Variants in HHAT observed in about 807,000 individuals in gnomAD.
HHAT encodes protein-cysteine N-palmitoyltransferase HHAT.
Under a neutral mutation model 70.8 loss-of-function variants are expected in HHAT, and 47 were observed. The ratio of observed to expected loss-of-function variants is 0.66; its 90% CI spans 0.53 to 0.85. The LOEUF is 0.85. HHAT is among the 40% of genes least tolerant of loss of function. HHAT has a pLI of 0.00. For synonymous variants in HHAT, 228 were observed against 247.6 expected (o/e 0.92, Z 0.74); for missense variants, 609 against 604.8 (o/e 1.01, Z -0.07).
chr1:210,489,249 G>T (rs1289615804), intron 8 of HHAT, among the ~76,000 whole-genome samples: 2 of 152,188 alleles, frequency 1.3e-5, no homozygotes, highest in African/African-American at 2.4e-5. Flanking sequence ...GTTCTCTGCT[G>T]TCCCTAAACA....
At chr1:210,612,695 G>C (rs1666841445) in intron 10 of HHAT, among the ~76,000 whole-genome samples, 1 of 152,072 alleles carries the variant, frequency 6.6e-6, no homozygotes, top group Admixed American at 6.6e-5. Flanking sequence ...TGGCAATTTT[G>C]TGTTTAATTT....
chr1:210,475,642 A>G (rs2094293929), intron 8 of HHAT, among the ~76,000 whole-genome samples: 1 of 152,180 alleles, frequency 6.6e-6, no homozygotes, highest in Non-Finnish European at 1.5e-5. Context: ...ACTGTGTCAC[A>G]AGGGATTGGT....
intron 7 of HHAT, chr1:210,462,880 T>C (rs140182486): frequency 1.6e-4 from 24 of 152,286 alleles, no homozygotes; most frequent in African/African-American, 5.1e-4. Context: ...CAGTGGTATT[T>C]TCTGCTAGTA....
chr1:210,495,271 G>T (rs1010685420), intron 8 of HHAT, among the ~76,000 whole-genome samples: 43 of 150,646 alleles, frequency 2.9e-4, no homozygotes, highest in Non-Finnish European at 5.5e-4. Flanking sequence ...TTTCCATAAA[G>T]ATTTTATATA....
chr1:210,417,517 G>T (rs1354980824), intron 6 of HHAT, among the ~76,000 whole-genome samples: 1 of 152,180 alleles, frequency 6.6e-6, no homozygotes, highest in Admixed American at 6.5e-5. Context: ...TTCTAGGTGT[G>T]AGCCACCATG....
chr1:210,606,127 T>G (rs1055173270), intron 10 of HHAT, among the ~76,000 whole-genome samples: 2 of 152,196 alleles, frequency 1.3e-5, no homozygotes, highest in African/African-American at 4.8e-5. Flanking sequence ...CCCAAAGTGC[T>G]GGTATTACAG....
chr1:210,401,405 G>A (rs1385385403), intron 5 of HHAT, among the ~76,000 whole-genome samples: 1 of 152,174 alleles, frequency 6.6e-6, no homozygotes, highest in Non-Finnish European at 1.5e-5. Flanking sequence ...ATAAGCCATT[G>A]TGCCCGGCCA....
At chr1:210,429,441 A>G (rs968893887) in intron 7 of HHAT, among the ~76,000 whole-genome samples, 12 of 151,878 alleles carry the variant, frequency 7.9e-5, no homozygotes, top group Non-Finnish European at 1.0e-4. Flanking sequence ...TGACTTTTTG[A>G]GGAGTCCAGA....
At chr1:210,579,424 A>G (rs1658689154) in intron 9 of HHAT, among the ~76,000 whole-genome samples, 1 of 152,302 alleles carries the variant, frequency 6.6e-6, no homozygotes, top group East Asian at 1.9e-4. Context: ...CTAGAGATCC[A>G]CTGGCTAGCA....
chr1:210,633,883 T>G (rs1254878839), intron 11 of HHAT, among the ~76,000 whole-genome samples: 3 of 152,194 alleles, frequency 2.0e-5, no homozygotes, highest in Non-Finnish European at 2.9e-5. Context: ...CTCTGGCTAT[T>G]GTAGCGTGCC....
intron 1 of HHAT, among the ~76,000 whole-genome samples, chr1:210,331,295 A>G (rs2084964762): frequency 6.6e-6 from 1 of 151,836 alleles, no homozygotes. Context: ...GTGTTTGCTT[A>G]TGTCCAGCCT....
At chr1:210,605,216 T>G (rs1040438078) in intron 10 of HHAT, among the ~76,000 whole-genome samples, 45 of 152,286 alleles carry the variant, frequency 3.0e-4, no homozygotes, top group Middle Eastern at 3.4e-3. Context: ...ACCTCCAGTG[T>G]TACAGATGTT....
intron 9 of HHAT, among the ~76,000 whole-genome samples, chr1:210,527,253 G>A (rs769693480): frequency 2.6e-5 from 4 of 151,892 alleles, no homozygotes; most frequent in Non-Finnish European, 4.4e-5. Context: ...GAAGCGTCAG[G>A]TGCTCCCTTG....
At chr1:210,522,648 T>A (rs1246909840) in intron 9 of HHAT, among the ~76,000 whole-genome samples, 1 of 152,216 alleles carries the variant, frequency 6.6e-6, no homozygotes, top group Non-Finnish European at 1.5e-5. Flanking sequence ...CGCACCGTTG[T>A]CTGTGAACTG....
intron 7 of HHAT, among the ~76,000 whole-genome samples, chr1:210,421,533 C>G (rs891046970): frequency 6.6e-6 from 1 of 152,176 alleles, no homozygotes; most frequent in African/African-American, 2.4e-5. Flanking sequence ...GCAACCTCCA[C>G]CTCCTGAGTT....
chr1:210,421,125 A>G (rs1256292913), intron 7 of HHAT, among the ~76,000 whole-genome samples: 1 of 152,102 alleles, frequency 6.6e-6, no homozygotes, highest in Non-Finnish European at 1.5e-5. Context: ...GCACAGAAAT[A>G]GAAAAAAACC....
At chr1:210,557,061 C>T (rs2095579342) in intron 9 of HHAT, among the ~76,000 whole-genome samples, 1 of 152,194 alleles carries the variant, frequency 6.6e-6, no homozygotes, top group Non-Finnish European at 1.5e-5. Flanking sequence ...GCCCTTCCCC[C>T]TGAATGAGCT....
intron 8 of HHAT, among the ~76,000 whole-genome samples, chr1:210,488,130 T>C (rs555386104): frequency 1.1e-3 from 162 of 152,294 alleles, no homozygotes; most frequent in Non-Finnish European, 1.6e-3. Context: ...GCAATTTTTT[T>C]CCCCTCTACA....
Position 210,450,400 on chromosome 1 carries a change from A to G in HHAT, c.857-14105A>G, listed in dbSNP as rs987618167. On this transcript the variant is annotated intron_variant, in intron 7 of 11. Transcript: ENST00000261458. ...TGCATAGATCACTGGAGCCTTGGAT[A>G]CATCCTGCTTTTCAAACATTTCTTC... is the stretch of plus-strand genomic sequence containing the variant. 1.1e-4 allele frequency among the ~76,000 whole-genome samples: 17 copies of G among 152,164 alleles called. 1 individual carries two copies. Among genetic ancestry groups the G allele is most frequent in the Non-Finnish European group, 7.4e-5 (5 of 68,024 alleles).
Sources: gnomAD v4.1 joint callset for allele counts (sites outside exome capture counted in the v4.1 genomes callset) on GRCh38, gnomAD v4.1.1 for gene constraint, MANE v1.5 for transcripts, NCBI Gene and HGNC (gene_info 2026-07-23, HGNC 2026-07-21) for gene names.